Variants in CACNA1E observed in about 807,000 individuals in gnomAD.
CACNA1E encodes the protein voltage-dependent R-type calcium channel subunit alpha-1E.
Under a neutral mutation model 259.2 loss-of-function variants are expected in CACNA1E, and 40 were observed. That is an observed-to-expected ratio of 0.15 (90% CI 0.12 to 0.20). CACNA1E has a LOEUF of 0.20. CACNA1E is among the 10% of genes least tolerant of loss of function. The probability of loss-of-function intolerance (pLI) is 1.00; values close to 1 mark genes in which losing one functional copy is unlikely to be tolerated. For missense variants in CACNA1E, 1,874 were observed against 3,040.1 expected (o/e 0.62, Z 9.02); for synonymous variants, 1,104 against 1,138.5 (o/e 0.97, Z 0.61).
Position 181,798,490 on chromosome 1 carries a change from C to G in CACNA1E, c.6598C>G (p.Leu2200Val). 1.2e-6 allele frequency: 2 copies of G among 1,613,974 alleles called. No individual in the cohort carries two copies. The highest frequency in any genetic ancestry group is 1.7e-6 in the Non-Finnish European group (2 of 1,179,916). ...EEGSPLTSQA[L>V]ESNNACLTES... Reference sequence around the variant, plus strand: ...GGGCTCCCCGCTGACCTCCCAAGCTCTGGAGAGCAACAATGCTTGCCTGAC... The same window carrying G: ...GGGCTCCCCGCTGACCTCCCAAGCTGTGGAGAGCAACAATGCTTGCCTGAC... The change falls in exon 48 of 48, where the codon CTG (leucine) becomes GTG (valine). Residue 2200 changes from leucine to valine, a missense_variant. This residue lies in a region of CACNA1E where 542 missense variants were observed against 587.2 expected (regional missense o/e 0.92). Transcript: ENST00000367573. The surrounding 1 kb of genome is among the most constrained non-coding windows in gnomAD (Gnocchi z 4.2).
At chr1:181,645,444 A>T (rs917668407) in intron 6 of CACNA1E, among the ~76,000 whole-genome samples, 3 of 151,932 alleles carry the variant, frequency 2.0e-5, no homozygotes, top group Admixed American at 6.5e-5. Flanking sequence ...TTTTCTTCTT[A>T]TAGGTCCCCC....
At chr1:181,580,101 T>G (rs767093162) in intron 5 of CACNA1E, among the ~76,000 whole-genome samples, 1 of 152,216 alleles carries the variant, frequency 6.6e-6, no homozygotes, top group African/African-American at 2.4e-5. Context: ...CTTTCCACCT[T>G]GGATTTCTAT....
intron 7 of CACNA1E, among the ~76,000 whole-genome samples, chr1:181,654,343 A>G (rs575258788): frequency 1.9e-4 from 29 of 152,202 alleles, no homozygotes; most frequent in African/African-American, 6.7e-4. Context: ...TGATGAAATT[A>G]CCTACAAAAC....
chr1:181,470,393 C>G (rs1226222759), intron 2 of CACNA1E, among the ~76,000 whole-genome samples: 1 of 151,966 alleles, frequency 6.6e-6, no homozygotes, highest in Non-Finnish European at 1.5e-5. Flanking sequence ...GGCAGATTCT[C>G]TATGTTCTCT....
At chr1:181,441,303 C>T (rs1660457654) in intron 2 of CACNA1E, among the ~76,000 whole-genome samples, 1 of 152,194 alleles carries the variant, frequency 6.6e-6, no homozygotes, top group Admixed American at 6.5e-5. Context: ...AAGCGCCTGC[C>T]ACCACACCCA....
intron 6 of CACNA1E, among the ~76,000 whole-genome samples, chr1:181,621,533 A>AC (rs1393755385): frequency 6.6e-6 from 1 of 152,224 alleles, no homozygotes; most frequent in Non-Finnish European, 1.5e-5. Flanking sequence ...AGACAGAAAA[A>AC]AATTCAACAG....
chr1:181,430,048 G>A (rs974087860), intron 2 of CACNA1E, among the ~76,000 whole-genome samples: 2 of 152,168 alleles, frequency 1.3e-5, no homozygotes, highest in African/African-American at 4.8e-5. Flanking sequence ...ATCATCTGAT[G>A]ACCTCTACAT....
chr1:181,718,625 C>T (rs904902392), intron 12 of CACNA1E, among the ~76,000 whole-genome samples: 8 of 144,906 alleles, frequency 5.5e-5, no homozygotes, highest in African/African-American at 1.8e-4. Flanking sequence ...CACACACACA[C>T]ACACACACAC....
At chr1:181,552,176 A>G (rs1383144200) in intron 3 of CACNA1E, among the ~76,000 whole-genome samples, 3 of 152,230 alleles carry the variant, frequency 2.0e-5, no homozygotes, top group Non-Finnish European at 4.4e-5. Flanking sequence ...AGAGGACTTT[A>G]GGGTGACACC....
rs1478892756 is a variant in CACNA1E at position 181,793,711 on chromosome 1, G to C, written c.5945G>C (p.Gly1982Ala). The C allele has an allele frequency of 1.2e-6, 2 of 1,611,226 alleles. No individual in the cohort carries two copies. The highest frequency in any genetic ancestry group is 1.7e-6 in the Non-Finnish European group (2 of 1,179,306). ...ELKSVQPSNH[G>A]IYLPSDTQEH... ...AAAAGCGTGCAGCCCTCTAACCATGGCATCTACCTTCCTTCGGACACCCAG... is the reference window on the plus strand; with the variant it reads ...AAAAGCGTGCAGCCCTCTAACCATGCCATCTACCTTCCTTCGGACACCCAG... Residue 1982 changes from glycine to alanine, a missense_variant, in exon 45 of 48, where the codon GGC (glycine) becomes GCC (alanine). Gly to Ala is a moderately conservative substitution (Grantham distance 60). Transcript: ENST00000367573.
At chr1:181,472,946 C>T (rs1251560798) in intron 2 of CACNA1E, among the ~76,000 whole-genome samples, 2 of 152,124 alleles carry the variant, frequency 1.3e-5, no homozygotes, top group African/African-American at 4.8e-5. Context: ...TGCTGGAGTG[C>T]AGGCAGGAAA....
chr1:181,676,628 A>G (rs896346636), intron 7 of CACNA1E, among the ~76,000 whole-genome samples: 1 of 152,150 alleles, frequency 6.6e-6, no homozygotes, highest in African/African-American at 2.4e-5. Context: ...CCTCCTTAGT[A>G]TATATGTGCT....
At position 181,400,812 on chromosome 1, in the gene CACNA1E, AAG is replaced by A. The variant is rs1657045480; in HGVS notation, c.-14-12320_-14-12319del. Among the ~76,000 whole-genome samples, 7 of 152,154 alleles carry A rather than the reference AAG, an allele frequency of 4.6e-5. 1 individual carries two copies. The South Asian group carries it at 1.5e-3, about 32-fold the overall frequency. ...GCTCCTATTGATCAGGCACTTTGCA[AAG>A]CTGTCTCTGTCCAGGGTTTGAGAGG... is the stretch of plus-strand genomic sequence containing the variant. On this transcript the variant is annotated intron_variant, in intron 1 of 11. Coordinates refer to the CACNA1E transcript ENST00000524607.
intron 2 of CACNA1E, among the ~76,000 whole-genome samples, chr1:181,430,558 C>G (rs534486942): frequency 6.6e-6 from 1 of 152,116 alleles, no homozygotes; most frequent in African/African-American, 2.4e-5. Flanking sequence ...TGTACATGCC[C>G]GAAAAGAGGA....
chr1:181,578,214 G>A (rs1651169093), intron 4 of CACNA1E, among the ~76,000 whole-genome samples: 1 of 152,044 alleles, frequency 6.6e-6, no homozygotes, highest in African/African-American at 2.4e-5. Flanking sequence ...TCGTTATGTA[G>A]ATTGTAGTTT....
intron 8 of CACNA1E, among the ~76,000 whole-genome samples, chr1:181,713,062 AGATGGGTTACATTTCC>A (rs1218010962): frequency 1.3e-5 from 2 of 152,214 alleles, no homozygotes; most frequent in African/African-American, 2.4e-5. Flanking sequence ...AATCAGAGAC[AGATGGGTTACATTTCC>A]CTGGAAAGAC....
In CACNA1E at chr1:181,785,305, T is replaced by G; in HGVS notation, c.5579-13T>G. 2.6e-6 allele frequency: 4 copies of G among 1,514,212 alleles called. No individual in the cohort carries two copies. The highest frequency in any genetic ancestry group is 3.7e-6 in the Non-Finnish European group (4 of 1,089,598). 93.8% of individuals were successfully genotyped at this position (1,514,212 alleles called of 1,614,324 possible). A position where few individuals can be genotyped will look rare whatever the true frequency, so the allele number is the denominator to read the frequency against. ...ACTCCCTGTTCACCATCATGCCACATTTGTGTTTCTAGCCTCTGACCTGAC... is the reference window on the plus strand; with the variant it reads ...ACTCCCTGTTCACCATCATGCCACAGTTGTGTTTCTAGCCTCTGACCTGAC... On this transcript the variant is annotated splice_polypyrimidine_tract_variant and intron_variant, in intron 41 of 47. Coordinates refer to ENST00000367573, the MANE Select transcript of CACNA1E (RefSeq NM_001205293.3).
At position 181,736,402 on chromosome 1, in the gene CACNA1E, C is replaced by T. The variant is rs973423720; in HGVS notation, c.3390C>T (p.His1130=). The T allele has an allele frequency of 4.3e-6, 7 of 1,612,800 alleles. No homozygotes were observed. The highest frequency in any genetic ancestry group is 1.1e-5 in the South Asian group (1 of 90,612). The part of the protein sequence containing the change: ...KRETGKAMVP[H]SSMFIFSTTN... The stretch of plus-strand genomic sequence containing the variant: ...AGACAGGCAAAGCCATGGTGCCCCA[C>T]AGCTCAATGTTCATCTTCAGCACCA... Residue 1130 remains histidine (H), a synonymous_variant, in exon 22 of 48, where the codon CAC becomes CAT. Transcript: ENST00000367573.
chr1:181,769,154 C>T (rs1659274861), intron 35 of CACNA1E, among the ~76,000 whole-genome samples: 1 of 152,042 alleles, frequency 6.6e-6, no homozygotes, highest in Admixed American at 6.5e-5. Flanking sequence ...ACCTTAACTC[C>T]CTCACCAGTA....
Sources: gnomAD v4.1 joint callset for allele counts (sites outside exome capture counted in the v4.1 genomes callset) on GRCh38, gnomAD v4.1.1 for gene constraint, gnomAD v4.1.1 regional missense constraint, Gnocchi (gnomAD v3.1) non-coding constraint, MANE v1.5 for transcripts, NCBI Gene and HGNC (gene_info 2026-07-23, HGNC 2026-07-21) for gene names.